ELL: variants seen among roughly 807,000 people sequenced by gnomAD.
ELL encodes elongation factor for RNA polymerase II, also known as RNA polymerase II elongation factor ELL.
Under a neutral mutation model 64.0 loss-of-function variants are expected in ELL, and 18 were observed. That is an observed-to-expected ratio of 0.28 (90% confidence interval 0.19 to 0.42). The LOEUF (loss-of-function observed/expected upper bound fraction) is 0.42, where lower values mean the gene tolerates loss of function less well. Ranked by LOEUF, ELL falls within the 10% of genes least tolerant of loss-of-function variation. The pLI, the probability that ELL is intolerant of heterozygous loss-of-function variation, is 1.00. For synonymous variants in ELL, 399 were observed against 376.2 expected (o/e 1.06, Z -0.70); for missense variants, 797 against 870.4 (o/e 0.92, Z 1.06).
intron 1 of ELL, among the ~76,000 whole-genome samples, chr19:18,493,207 G>T (rs541622934): frequency 6.6e-6 from 1 of 152,274 alleles, no homozygotes; most frequent in East Asian, 1.9e-4. Flanking sequence ...AGATAATAAA[G>T]GAATGGGGCT....
chr19:18,495,214 C>T (rs1347128405), intron 1 of ELL, among the ~76,000 whole-genome samples: 2 of 151,998 alleles, frequency 1.3e-5, no homozygotes, highest in Non-Finnish European at 2.9e-5. Context: ...GTGCAGGAGG[C>T]GAGCTGACCC....
intron 1 of ELL, among the ~76,000 whole-genome samples, chr19:18,521,150 G>A (rs946441607): frequency 1.3e-5 from 2 of 152,038 alleles, no homozygotes; most frequent in Non-Finnish European, 2.9e-5. Flanking sequence ...TTCCTCCTGG[G>A]TGGCAGGGAT....
chr19:18,455,113 G>A (rs1304372321), intron 6 of ELL, among the ~76,000 whole-genome samples: 2 of 147,612 alleles, frequency 1.4e-5, no homozygotes, highest in Admixed American at 1.4e-4. Context: ...TGCACTCCAG[G>A]TTGGGCGATA....
chr19:18,460,034 A>G (rs975594112), intron 5 of ELL, among the ~76,000 whole-genome samples: 3 of 152,170 alleles, frequency 2.0e-5, no homozygotes, highest in Non-Finnish European at 1.5e-5. Flanking sequence ...CTCAGCCGTC[A>G]ACACCCCTCC....
At chr19:18,481,368 C>T (rs1273445073) in intron 1 of ELL, among the ~76,000 whole-genome samples, 1 of 152,148 alleles carries the variant, frequency 6.6e-6, no homozygotes, top group Admixed American at 6.5e-5. Context: ...TTTGGGGGCT[C>T]TAGGGGAGGA....
At chr19:18,494,869 C>T (rs1975615052) in intron 1 of ELL, among the ~76,000 whole-genome samples, 1 of 152,238 alleles carries the variant, frequency 6.6e-6, no homozygotes, top group Admixed American at 6.5e-5. Context: ...CCTTCCTCCA[C>T]TTCCCTAGCC....
chr19:18,512,872 C>T (rs1350221417), intron 1 of ELL, among the ~76,000 whole-genome samples: 3 of 152,112 alleles, frequency 2.0e-5, no homozygotes, highest in Non-Finnish European at 2.9e-5. Context: ...GTACCTGATC[C>T]CCAATATGCA....
chr19:18,482,968 T>A (rs2144944315), intron 1 of ELL, among the ~76,000 whole-genome samples: 1 of 151,924 alleles, frequency 6.6e-6, no homozygotes, highest in Non-Finnish European at 1.5e-5. Context: ...TTTGTAGAGG[T>A]GGGGGTCTCC....
intron 1 of ELL, among the ~76,000 whole-genome samples, chr19:18,514,313 A>G (rs930740950): frequency 2.6e-5 from 4 of 151,958 alleles, no homozygotes; most frequent in African/African-American, 2.4e-5. Flanking sequence ...AGAGATCGAG[A>G]CCATCCTGGC....
At chr19:18,507,377 G>C (rs1042072424) in intron 1 of ELL, among the ~76,000 whole-genome samples, 1 of 152,244 alleles carries the variant, frequency 6.6e-6, no homozygotes, top group Non-Finnish European at 1.5e-5. Flanking sequence ...ACAGCCCCTT[G>C]GCAGAGAACT....
At chr19:18,485,985 C>CAA (rs1240459805) in intron 1 of ELL, among the ~76,000 whole-genome samples, 6 of 112,566 alleles carry the variant, frequency 5.3e-5, no homozygotes, top group South Asian at 2.7e-4. Context: ...GACTCTGTCT[C>CAA]AAAAAAAAAA....
chr19:18,461,796 G>T lies in ELL; in HGVS notation c.526C>A (p.Arg176=). The change falls in exon 5 of 12, where the codon CGG becomes AGG. Residue 176 remains arginine, a synonymous_variant. Transcript: ENST00000262809. ...AAGTTGATGGGGGTTGCCCGCTTCC[G>T]GGAGGGCACCGCGTCTGTTGCACCT... The part of the protein sequence containing the change: ...APGATDAVPS[R]KRATPINLAS... The T allele has an allele frequency of 1.2e-6, 2 of 1,614,124 alleles. No homozygotes were observed. Among genetic ancestry groups the T allele is most frequent in the African/African-American group, 1.3e-5 (1 of 75,060 alleles).
Position 18,482,060 on chromosome 19 carries a change from T to C in ELL, c.136-9178A>G, listed in dbSNP as rs376618578. ...AAAATGTCAGCCATTCTGGTAGGTG[T>C]GTGGTGCAGTGACAGCTCGTGGAGG... On this transcript the variant is annotated intron_variant, in intron 1 of 11. Coordinates refer to ENST00000262809, the MANE Select transcript of ELL (RefSeq NM_006532.4). 3.3e-5 allele frequency among the ~76,000 whole-genome samples: 5 copies of C among 152,234 alleles called. No individual in the cohort carries two copies. The East Asian group carries it at 9.7e-4, about 29-fold the overall frequency.
chr19:18,472,910 G>T, intron 1 of ELL, 28 bp from the exon 2 acceptor site: 1 of 1,146,914 alleles, frequency 8.7e-7, no homozygotes, highest in South Asian at 1.5e-5. Flanking sequence ...AAAAAAAAAA[G>T]GTGAGGGGAA....
chr19:18,450,342 C>G, intron 8 of ELL, 135 bp downstream of exon 8: 1 of 1,415,648 alleles, frequency 7.1e-7, no homozygotes, highest in Non-Finnish European at 9.3e-7. Flanking sequence ...CAGGGCAAAT[C>G]TGATGGGGCC....
chr19:18,496,572 G>C (rs1975657938), intron 1 of ELL, among the ~76,000 whole-genome samples: 1 of 152,014 alleles, frequency 6.6e-6, no homozygotes, highest in Non-Finnish European at 1.5e-5. Flanking sequence ...TTTGGCAGGA[G>C]CTACAGAGAT....
chr19:18,444,612 A>G lies in ELL; in HGVS notation c.*140T>C, dbSNP rs577771169. ...GCTTGCAGCCACCCGCCAGGGCCAG[A>G]CGTCTGCAGGGGCTGCCCTGAAAGC... On this transcript the variant is annotated 3_prime_UTR_variant, in exon 12 of 12. Coordinates refer to ENST00000262809, the MANE Select transcript of ELL (RefSeq NM_006532.4). 2 of 889,110 alleles carry G rather than the reference A, an allele frequency of 2.2e-6. No individual in the cohort carries two copies. The highest frequency in any genetic ancestry group is 2.8e-5 in the Admixed American group (1 of 36,198). The allele number at this position is 889,110 out of a possible 1,614,324, so 55.1% of individuals were successfully genotyped here.
intron 1 of ELL, among the ~76,000 whole-genome samples, chr19:18,509,593 G>GCGCACACA (rs1438642062): frequency 1.2e-5 from 1 of 83,240 alleles, no homozygotes; most frequent in Non-Finnish European, 2.9e-5. Context: ...GCGCGCGCGC[G>GCGCACACA]CACATACACA....
intron 1 of ELL, among the ~76,000 whole-genome samples, chr19:18,519,928 A>C (rs533835677): frequency 1.8e-4 from 27 of 152,304 alleles, no homozygotes; most frequent in Admixed American, 1.4e-3. Context: ...CAGCCAGCCA[A>C]GTTGCTCTGG....
Sources: allele counts gnomAD v4.1 joint callset (sites outside exome capture counted in the v4.1 genomes callset), GRCh38; gene constraint gnomAD v4.1.1; transcripts MANE v1.5; gene names NCBI Gene and HGNC (gene_info 2026-07-23, HGNC 2026-07-21).